KRT16: variants seen among roughly 807,000 people sequenced by gnomAD.
The protein encoded by KRT16 is keratin 16, also known as keratin, type I cytoskeletal 16.
KRT16 carries 42 observed loss-of-function variants against 44.8 expected under a neutral mutation model. The ratio of observed to expected loss-of-function variants is 0.94; its 90% CI spans 0.73 to 1.21. The LOEUF (loss-of-function observed/expected upper bound fraction) is 1.21, where lower values mean the gene tolerates loss of function less well. Ranked by LOEUF, KRT16 falls within the 50% of genes most tolerant of loss-of-function variation. KRT16 has a pLI of 0.00. For missense variants in KRT16, 561 were observed against 626.9 expected, an observed-to-expected ratio of 0.89 and a Z score of 1.12; for synonymous variants, 226 against 260.4, an observed-to-expected ratio of 0.87 and a Z score of 1.27.
At position 41,612,622 on chromosome 17, in the gene KRT16, C is replaced by T. The variant is rs7226192; in HGVS notation, c.67G>A (p.Gly23Ser). Residue 23 changes from glycine to serine, a missense_variant, in exon 1 of 8, where the codon GGC becomes AGC. By Grantham distance (56) the Gly-to-Ser change is moderately conservative. Transcript: ENST00000301653. The part of the protein sequence containing the change: ...SMKGSCGIGG[G>S]IGGGSSRISS... ...ATGCGGCTGGAGCCGCCCCCGATGC[C>T]GCCTCCGATGCCGCAGGAGCCCTTC... The T allele has an allele frequency of 3.6e-3, 5,738 of 1,597,326 alleles. 162 individuals are homozygous for T. In the African/African-American group the frequency reaches 0.066, roughly 18 times the overall value.
rs1908250945 is a variant in KRT16 at position 41,612,657 on chromosome 17, G to T, written c.32C>A (p.Ser11Tyr). Residue 11 changes from serine (S) to tyrosine (Y), a missense_variant, in exon 1 of 8, where the codon TCC (serine) becomes TAC (tyrosine). By Grantham distance (144) the Ser-to-Tyr change is moderately radical. Transcript: ENST00000301653. Reference protein sequence around the residue: MTTCSRQFTSSSSMKGSCGIG... With the variant: MTTCSRQFTSYSSMKGSCGIG... ...GCCGCAGGAGCCCTTCATGGAGCTG[G>T]AGGAGGTGAACTGGCGGCTGCAGGT... 6.2e-7 allele frequency: 1 copy of T among 1,602,312 alleles called. No individual in the cohort carries two copies. Among genetic ancestry groups the T allele is most frequent in the Non-Finnish European group, 8.5e-7 (1 of 1,175,420 alleles).
chr17:41,610,705 G>A, intron 5 of KRT16, 149 bp downstream of exon 5: 1 of 1,475,928 alleles, frequency 6.8e-7, no homozygotes, highest in Non-Finnish European at 9.4e-7. Flanking sequence ...CACTATTCTA[G>A]GGCTTAGTTT....
intron 5 of KRT16, 38 bp from the exon 6 acceptor site, chr17:41,610,589 G>T (rs1908156538): frequency 6.2e-7 from 1 of 1,605,510 alleles, no homozygotes; most frequent in Non-Finnish European, 8.5e-7. Flanking sequence ...CATGGAGGTG[G>T]TCACTCCTGT....
At position 41,610,396 on chromosome 17, in the gene KRT16, A is replaced by G. The variant is rs1908146030; in HGVS notation, c.1215T>C (p.Asp405=). ...QQSQEYQILL[D]VKTRLEQEIA... is the part of the protein sequence containing the mutation. The stretch of plus-strand genomic sequence containing the variant: ...TCTCCTGCTCCAGCCGCGTCTTCAC[A>G]TCCAGCAAGATCTGGTACTCCTGGC... Residue 405 remains aspartate (D), a synonymous_variant, in exon 6 of 8, where the codon GAT becomes GAC. Transcript: ENST00000301653. 6.2e-7 allele frequency: 1 copy of G among 1,612,334 alleles called. No homozygotes were observed. The highest frequency in any genetic ancestry group is 8.5e-7 in the Non-Finnish European group (1 of 1,179,846).
chr17:41,612,304 C>A lies in KRT16; in HGVS notation c.385G>T (p.Ala129Ser). The A allele has an allele frequency of 6.2e-7, 1 of 1,614,126 alleles. No homozygotes were observed. The highest frequency in any genetic ancestry group is 1.1e-5 in the South Asian group (1 of 91,072). Residue 129 changes from alanine to serine, a missense_variant, in exon 1 of 8, where the codon GCC (alanine) becomes TCC (serine). Coordinates refer to ENST00000301653, the MANE Select transcript of KRT16 (RefSeq NM_005557.4). ...VTMQNLNDRL[A>S]SYLDKVRALE... ...GCACGCACCTTGTCCAGGTAGGAGGCCAGGCGGTCATTGAGGTTCTGCATG... is the reference window on the plus strand; with the variant it reads ...GCACGCACCTTGTCCAGGTAGGAGGACAGGCGGTCATTGAGGTTCTGCATG...
chr17:41,612,093 G>A, intron 1 of KRT16, 65 bp downstream of exon 1: 2 of 1,583,378 alleles, frequency 1.3e-6, no homozygotes, highest in Non-Finnish European at 1.7e-6. Context: ...TTGCTAAAAA[G>A]AGGTATCCCA....
chr17:41,609,863 G>A lies in KRT16; in HGVS notation c.*72C>T. The A allele has an allele frequency of 8.0e-7, 1 of 1,257,482 alleles. No individual in the cohort carries two copies. The highest frequency in any genetic ancestry group is 1.2e-6 in the Non-Finnish European group (1 of 864,110). The allele number at this position is 1,257,482 out of a possible 1,614,324, so 77.9% of individuals were successfully genotyped here. ...AGCTGGGAACTGCGCCAGGAGAGCA[G>A]GGTCCTGACCCGGGCCTTCAGGAGG... On this transcript the variant is annotated 3_prime_UTR_variant, in exon 8 of 8. Transcript: ENST00000301653.
In KRT16 at chr17:41,611,453, A is replaced by G. The variant is rs1468388387; in HGVS notation, c.663T>C (p.Asn221=). ...ALRQTVEADV[N]GLRRVLDELT... ...GCTCATCCAACACCCGGCGCAGGCC[A>G]TTGACGTCGGCCTCCACAGTCTGCC... is the stretch of plus-strand genomic sequence containing the variant. Residue 221 remains asparagine (N), a synonymous_variant, in exon 3 of 8, where the codon AAT becomes AAC. Transcript: ENST00000301653. 1 of 1,614,122 alleles carries G rather than the reference A, an allele frequency of 6.2e-7. No individual in the cohort carries two copies. Among genetic ancestry groups the G allele is most frequent in the East Asian group, 2.2e-5 (1 of 44,868 alleles).
chr17:41,609,841 TG>T lies in KRT16; in HGVS notation c.*93del. 2.0e-6 allele frequency: 2 copies of T among 1,012,842 alleles called. No individual in the cohort carries two copies. Among genetic ancestry groups the T allele is most frequent in the Non-Finnish European group, 3.1e-6 (2 of 650,638 alleles). The allele number at this position is 1,012,842 out of a possible 1,614,324, so 62.7% of individuals were successfully genotyped here. On this transcript the variant is annotated 3_prime_UTR_variant, in exon 8 of 8. Transcript: ENST00000301653. ...CCAGCAGAGGAGCAGGGGAGATAGC[TG>T]GGAACTGCGCCAGGAGAGCAGGGTC...
chr17:41,611,565 T>G, intron 2 of KRT16, 64 bp from the exon 3 acceptor site: 1 of 1,608,014 alleles, frequency 6.2e-7, no homozygotes, highest in South Asian at 1.1e-5. Flanking sequence ...CGGGGTCTGC[T>G]GGCCCTGCTG....
At chr17:41,612,055 G>A (rs1486882559) in intron 1 of KRT16, 103 bp downstream of exon 1, 1 of 1,408,382 alleles carries the variant, frequency 7.1e-7, no homozygotes, top group East Asian at 2.3e-5. Flanking sequence ...CCCCAAAGGT[G>A]CCCAGTCTCC....
chr17:41,610,170 G>A lies in KRT16; in HGVS notation c.1327+20C>T. ...AACAGGCAGAGGGGCTGCAGTGCCG[G>A]GGAGCCTCAGAAGCCTTACCCTCGC... is the stretch of plus-strand genomic sequence containing the variant. On this transcript the variant is annotated intron_variant, in intron 7 of 7. Transcript: ENST00000301653. The A allele has an allele frequency of 1.2e-6, 2 of 1,613,674 alleles. No individual in the cohort carries two copies. Among genetic ancestry groups the A allele is most frequent in the Non-Finnish European group, 8.5e-7 (1 of 1,179,642 alleles).
intron 1 of KRT16, 65 bp from the exon 2 acceptor site, chr17:41,611,786 G>C: frequency 1.4e-6 from 2 of 1,452,194 alleles, no homozygotes; most frequent in South Asian, 2.4e-5. Context: ...AGCATGAAAG[G>C]CAGAAAGGGG....
At chr17:41,611,584 G>A (rs2100509) in intron 2 of KRT16, 55 bp downstream of exon 2, 976,395 of 1,602,238 alleles carry the variant, frequency 0.61, 302,899 homozygotes, top group East Asian at 0.95. Context: ...TGGGTGGACC[G>A]CCCCACTCTT....
chr17:41,610,818 G>A, intron 5 of KRT16, 36 bp downstream of exon 5: 4 of 1,612,934 alleles, frequency 2.5e-6, no homozygotes, highest in Non-Finnish European at 3.4e-6. Context: ...CATTACTGGT[G>A]ACTTGGGGGC....
Position 41,611,222 on chromosome 17 carries a change from A to C in KRT16, c.780T>G (p.Leu260=), listed in dbSNP as rs1473384508. 6.2e-7 allele frequency: 1 copy of C among 1,613,990 alleles called. No individual in the cohort carries two copies. The highest frequency in any genetic ancestry group is 2.2e-5 in the East Asian group (1 of 44,890). The part of the protein sequence containing the change: ...YLRKNHEEEM[L]ALRGQTGGDV... ...CTCCGCCGGTCTGACCTCTCAGAGC[A>C]AGCATCTCCTGGGAAGGGATGGCAG... The change falls in exon 4 of 8, where the codon CTT becomes CTG. Residue 260 remains leucine, a synonymous_variant. Coordinates refer to ENST00000301653, the MANE Select transcript of KRT16 (RefSeq NM_005557.4).
At position 41,612,589 on chromosome 17, in the gene KRT16, C is replaced by T. The variant is rs530326477; in HGVS notation, c.100G>A (p.Val34Ile). ...IGGGSSRISS[V>I]LAGGSCRAPS... ...GCACGGCAGGACCCTCCGGCCAGGA[C>T]GGAGGAGATGCGGCTGGAGCCGCCC... The change falls in exon 1 of 8, where the codon GTC (valine) becomes ATC (isoleucine). Residue 34 changes from valine (V) to isoleucine (I), a missense_variant. Coordinates refer to ENST00000301653, the MANE Select transcript of KRT16 (RefSeq NM_005557.4). 38 of 1,596,526 alleles carry T rather than the reference C, an allele frequency of 2.4e-5. No homozygotes were observed. The highest frequency in any genetic ancestry group is 1.1e-4 in the East Asian group (5 of 43,968).
In KRT16 at chr17:41,610,850, A is replaced by G; in HGVS notation, c.1059+4T>C. The G allele has an allele frequency of 6.2e-7, 1 of 1,613,796 alleles. No individual in the cohort carries two copies. The highest frequency in any genetic ancestry group is 8.5e-7 in the Non-Finnish European group (1 of 1,180,022). ...GGGCTGCTGCTGTGCTGGGTCCTTCATACCATGCTGAGCTGGGACTGCAGC... is the reference window on the plus strand; with the variant it reads ...GGGCTGCTGCTGTGCTGGGTCCTTCGTACCATGCTGAGCTGGGACTGCAGC... On this transcript the variant is annotated splice_donor_region_variant and intron_variant, in intron 5 of 7. Coordinates refer to ENST00000301653, the MANE Select transcript of KRT16 (RefSeq NM_005557.4).
rs377221209 is a variant in KRT16 at position 41,610,257 on chromosome 17, G to A, written c.1281-21C>T. 1.9e-6 allele frequency: 3 copies of A among 1,613,748 alleles called. No individual in the cohort carries two copies. In the African/African-American group the frequency reaches 4.0e-5, roughly 22 times the overall value. On this transcript the variant is annotated intron_variant, in intron 6 of 7. Coordinates refer to ENST00000301653, the MANE Select transcript of KRT16 (RefSeq NM_005557.4). Reference sequence around the variant, plus strand: ...AAAGGCTGTGGGAGAGAAAAAGCAGGGCAGTCAGTTGTGCTGAGAGCAGCA... The same window carrying A: ...AAAGGCTGTGGGAGAGAAAAAGCAGAGCAGTCAGTTGTGCTGAGAGCAGCA...
Sources: allele counts gnomAD v4.1 joint callset, GRCh38; gene constraint gnomAD v4.1.1; transcripts MANE v1.5; gene names NCBI Gene and HGNC (gene_info 2026-07-23, HGNC 2026-07-21).